The following CARMIL3 variants were observed in gnomAD, a reference collection of about 807,000 sequenced individuals.
CARMIL3 encodes the protein capping protein regulator and myosin 1 linker 3.
CARMIL3 carries 88 observed loss-of-function variants against 180.8 expected under a neutral mutation model. That is an observed-to-expected ratio of 0.49 (90% confidence interval 0.41 to 0.58). The LOEUF is 0.58. Among genes scored for constraint, CARMIL3 ranks in the 20% least tolerant of loss-of-function variants. The pLI is 0.00. For missense variants in CARMIL3, 1,548 were observed against 1,787.0 expected (o/e 0.87, Z 2.41); for synonymous variants, 696 against 714.5 (o/e 0.97, Z 0.41).
chr14:24,054,774 T>G lies in CARMIL3; in HGVS notation c.426T>G (p.Ser142=), dbSNP rs1297438589. Residue 142 remains serine (S), a synonymous_variant, in exon 6 of 40, where the codon TCT becomes TCG. Coordinates refer to ENST00000342740, the MANE Select transcript of CARMIL3 (RefSeq NM_138360.4). The surrounding 1 kb of genome is among the most constrained non-coding windows in gnomAD (Gnocchi z 5.1). ...PEGPRDTSPN[S]ETSTSTTHSV... is the part of the protein sequence containing the mutation. ...GGCCCCGAGATACATCCCCCAACTC[T>G]GAGACTTCCACATCTACCACCCACA... 6.2e-7 allele frequency: 1 copy of G among 1,614,070 alleles called. No individual in the cohort carries two copies. The highest frequency in any genetic ancestry group is 1.1e-5 in the South Asian group (1 of 91,078).
In CARMIL3 at chr14:24,058,315, T is replaced by G; in HGVS notation, c.1392+91T>G. The G allele has an allele frequency of 1.4e-6, 2 of 1,422,920 alleles. No individual in the cohort carries two copies. The highest frequency in any genetic ancestry group is 1.4e-5 in the African/African-American group (1 of 70,902). The allele number at this position is 1,422,920 out of a possible 1,614,324, so 88.1% of individuals were successfully genotyped here. A position where few individuals can be genotyped will look rare whatever the true frequency, so the allele number is the denominator to read the frequency against. ...AAACCCTGGCTCCATCTAGCCTCTG[T>G]GCTGACCCTCTGCGACCCCCTGACC... On this transcript the variant is annotated intron_variant, in intron 17 of 39. Coordinates refer to ENST00000342740, the MANE Select transcript of CARMIL3 (RefSeq NM_138360.4). The surrounding 1 kb of genome is among the most constrained non-coding windows in gnomAD (Gnocchi z 6.4).
In CARMIL3 at chr14:24,066,472, C is replaced by G. The variant is rs1317778775; in HGVS notation, c.3592+8C>G. On this transcript the variant is annotated splice_region_variant and intron_variant, in intron 35 of 39. Coordinates refer to ENST00000342740, the MANE Select transcript of CARMIL3 (RefSeq NM_138360.4). The stretch of plus-strand genomic sequence containing the variant: ...GCTCTTCAGACGACGCAGGTAAGAA[C>G]AGTCACATTCAAAGCCCTTTTGGAC... 6.2e-7 allele frequency: 1 copy of G among 1,614,178 alleles called. No individual in the cohort carries two copies. Among genetic ancestry groups the G allele is most frequent in the Non-Finnish European group, 8.5e-7 (1 of 1,180,010 alleles).
chr14:24,068,740 T>C, intron 37 of CARMIL3, 38 bp downstream of exon 37: 1 of 1,613,680 alleles, frequency 6.2e-7, no homozygotes, highest in Non-Finnish European at 8.5e-7. Flanking sequence ...GGCACTTTGA[T>C]GAGGCAAAGG....
rs1486093763 is a variant in CARMIL3, at chr14:24,057,950, C to A, written c.1218-10C>A. On this transcript the variant is annotated splice_polypyrimidine_tract_variant and intron_variant, in intron 15 of 39. Transcript: ENST00000342740. ...CCCCTCCCTCGCTGACCCCAGGGGT[C>A]TCTCCACAGGAAGGGTCGAGAGGCC... 2 of 1,613,330 alleles carry A rather than the reference C, an allele frequency of 1.2e-6. No individual in the cohort carries two copies. Among genetic ancestry groups the A allele is most frequent in the African/African-American group, 2.7e-5 (2 of 74,896 alleles).
intron 1 of CARMIL3, 77 bp downstream of exon 1, chr14:24,052,270 T>A: frequency 7.0e-7 from 1 of 1,437,592 alleles, no homozygotes; most frequent in Non-Finnish European, 9.3e-7. Flanking sequence ...CCGTGGTGCA[T>A]CCCAGCCCGG....
Position 24,052,105 on chromosome 14 carries a change from C to T in CARMIL3, c.-49C>T, listed in dbSNP as rs1397878442. On this transcript the variant is annotated 5_prime_UTR_variant, in exon 1 of 40. Transcript: ENST00000342740. ...GGGTCTAGCATGTGCCGCGGCTCCC[C>T]GGCGGCGGCGGCGGCTCCTCTGCAG... 1.4e-6 allele frequency: 2 copies of T among 1,454,584 alleles called. No individual in the cohort carries two copies. The highest frequency in any genetic ancestry group is 1.5e-5 in the African/African-American group (1 of 68,816). 90.1% of individuals were successfully genotyped at this position (1,454,584 alleles called of 1,614,324 possible). A position where few individuals can be genotyped will look rare whatever the true frequency, so the allele number is the denominator to read the frequency against.
Position 24,061,593 on chromosome 14 carries a change from G to A in CARMIL3, c.2401G>A (p.Glu801Lys). The A allele has an allele frequency of 6.2e-7, 1 of 1,613,994 alleles. No individual in the cohort carries two copies. The highest frequency in any genetic ancestry group is 8.5e-7 in the Non-Finnish European group (1 of 1,179,980). ...CAACAAGATGCTGAGCAATGTGGCG[G>A]AGCGTGTCACTGTGCCCCGGAACTT... Reference protein sequence around the residue: ...GHNKMLSNVAERVTVPRNFIR... With the variant: ...GHNKMLSNVAKRVTVPRNFIR... Residue 801 changes from glutamate to lysine, a missense_variant, in exon 27 of 40, where the codon GAG becomes AAG. By Grantham distance (56) the Glu-to-Lys change is moderately conservative. This residue lies in a region of CARMIL3 where 297 missense variants were observed against 415.9 expected (regional missense o/e 0.71). Coordinates refer to ENST00000342740, the MANE Select transcript of CARMIL3 (RefSeq NM_138360.4). This position sits in a 1 kb window ranked among gnomAD's most constrained non-coding sequence, Gnocchi z 4.1.
At chr14:24,066,175 G>C (rs565237273) in intron 34 of CARMIL3, among the ~76,000 whole-genome samples, 1 of 151,996 alleles carries the variant, frequency 6.6e-6, no homozygotes, top group East Asian at 1.9e-4. Flanking sequence ...TCTACTACAT[G>C]TAAAATACAT....
At chr14:24,052,298 C>A in intron 1 of CARMIL3, 105 bp downstream of exon 1, 1 of 1,150,694 alleles carries the variant, frequency 8.7e-7, no homozygotes, top group Non-Finnish European at 1.2e-6. Flanking sequence ...CACCCCTCAC[C>A]CCATGCATCC....
rs1193519749 is a variant in CARMIL3, at chr14:24,054,669, C to T, written c.363-42C>T. ...GCTATAACGTGGGAAGAACTGAGAG[C>T]CTCTTTCCAGCCCTCTCTGGAATGA... On this transcript the variant is annotated intron_variant, in intron 5 of 39. Transcript: ENST00000342740. The surrounding 1 kb of genome is among the most constrained non-coding windows in gnomAD (Gnocchi z 5.1). 2 of 1,580,536 alleles carry T rather than the reference C, an allele frequency of 1.3e-6. No homozygotes were observed. The highest frequency in any genetic ancestry group is 1.7e-6 in the Non-Finnish European group (2 of 1,152,208).
Position 24,052,166 on chromosome 14 carries a change from A to T in CARMIL3, c.13A>T (p.Ser5Cys). Residue 5 changes from serine (S) to cysteine (C), a missense_variant, in exon 1 of 40, where the codon AGC (serine) becomes TGC (cysteine). By Grantham distance (112) the Ser-to-Cys change is moderately radical. Around this residue, in one of 4 missense-constraint regions of CARMIL3, gnomAD observed 578 missense variants for 666.5 expected, o/e 0.87. Coordinates refer to ENST00000342740, the MANE Select transcript of CARMIL3 (RefSeq NM_138360.4). Reference sequence around the variant, plus strand: ...AGCAGCGGCCGCCATGGCCAAGCCCAGCGTGGAGCTCACCCGCGAGTTGCA... The same window carrying T: ...AGCAGCGGCCGCCATGGCCAAGCCCTGCGTGGAGCTCACCCGCGAGTTGCA... Reference protein sequence around the residue: MAKPSVELTRELQDS... With the variant: MAKPCVELTRELQDS... The T allele has an allele frequency of 6.3e-7, 1 of 1,590,924 alleles. No individual in the cohort carries two copies. The highest frequency in any genetic ancestry group is 8.5e-7 in the Non-Finnish European group (1 of 1,173,286).
In CARMIL3 at chr14:24,063,411, A is replaced by G. The variant is rs946163963; in HGVS notation, c.2857A>G (p.Thr953Ala). Reference protein sequence around the residue: ...WFSGLGGSQPTASGSWEGLSE... With the variant: ...WFSGLGGSQPAASGSWEGLSE... The stretch of plus-strand genomic sequence containing the variant: ...CTCAGGACTTGGGGGCAGCCAGCCC[A>G]CAGCTAGTGGCTCCTGGGAAGGTCT... Residue 953 changes from threonine (T) to alanine (A), a missense_variant, in exon 31 of 40, where the codon ACA (threonine) becomes GCA (alanine). By Grantham distance (58) the Thr-to-Ala change is moderately conservative. Around this residue, in one of 4 missense-constraint regions of CARMIL3, gnomAD observed 668 missense variants for 687.8 expected, o/e 0.97. Coordinates refer to ENST00000342740, the MANE Select transcript of CARMIL3 (RefSeq NM_138360.4). The G allele has an allele frequency of 1.9e-6, 3 of 1,613,852 alleles. No homozygotes were observed. Among genetic ancestry groups the G allele is most frequent in the Admixed American group, 1.7e-5 (1 of 60,002 alleles).
At position 24,055,639 on chromosome 14, in the gene CARMIL3, G is replaced by T. The variant is rs753739974; in HGVS notation, c.681+21G>T. The T allele has an allele frequency of 3.1e-6, 5 of 1,614,146 alleles. No individual in the cohort carries two copies. The Middle Eastern group carries it at 4.9e-4, about 160-fold the overall frequency. On this transcript the variant is annotated intron_variant, in intron 9 of 39. Transcript: ENST00000342740. ...GGCTGGTAGGAACTGGGAGGGGCTG[G>T]TGAGGTGGGAGAAGTAGTGCCCCCC...
At position 24,058,892 on chromosome 14, in the gene CARMIL3, T is replaced by C; in HGVS notation, c.1477T>C (p.Phe493Leu). The C allele has an allele frequency of 6.2e-7, 1 of 1,614,146 alleles. No homozygotes were observed. The change falls in exon 19 of 40, where the codon TTC becomes CTC. Residue 493 changes from phenylalanine (F) to leucine (L), a missense_variant and splice_region_variant. Physicochemically the swap from Phe to Leu is conservative, Grantham distance 22 (BLOSUM62 0). Coordinates refer to ENST00000342740, the MANE Select transcript of CARMIL3 (RefSeq NM_138360.4). This position sits in a 1 kb window ranked among gnomAD's most constrained non-coding sequence, Gnocchi z 6.4. The part of the protein sequence containing the change: ...VGSLDLSDNG[F>L]DSDLLTLVPA... ...GGCCTCTCCCATCTGCTCACCAGGG[T>C]TCGACTCGGACCTCCTGACACTGGT...
At chr14:24,060,106 G>T in intron 23 of CARMIL3, 43 bp downstream of exon 23, 7 of 1,613,376 alleles carry the variant, frequency 4.3e-6, no homozygotes, top group Non-Finnish European at 5.1e-6. Flanking sequence ...GCAAGGGGCA[G>T]GGGGCAGCCC....
intron 36 of CARMIL3, among the ~76,000 whole-genome samples, 187 bp from the exon 37 acceptor site, chr14:24,068,397 C>CA (rs796263850): frequency 3.2e-3 from 210 of 66,258 alleles, no homozygotes; most frequent in Middle Eastern, 0.01. Context: ...ACTCCATCTC[C>CA]AAAAAAAAAA....
intron 32 of CARMIL3, 131 bp downstream of exon 32, chr14:24,064,477 C>T (rs2035765276): frequency 1.4e-6 from 1 of 707,678 alleles, no homozygotes; most frequent in Non-Finnish European, 2.5e-6. Context: ...GAAATTTCCC[C>T]ACATTCTCAT....
intron 37 of CARMIL3, 34 bp downstream of exon 37, chr14:24,068,736 T>C: frequency 6.2e-7 from 1 of 1,613,618 alleles, no homozygotes; most frequent in Non-Finnish European, 8.5e-7. Flanking sequence ...GGGAGGCACT[T>C]TGATGAGGCA....
At chr14:24,068,535 C>A (rs2035816107) in intron 36 of CARMIL3, 49 bp from the exon 37 acceptor site, 3 of 1,503,484 alleles carry the variant, frequency 2.0e-6, no homozygotes, top group Non-Finnish European at 1.8e-6. Flanking sequence ...GGGACAGGAG[C>A]TATGCAAGAA....
Sources: gnomAD v4.1 joint callset for allele counts (sites outside exome capture counted in the v4.1 genomes callset) on GRCh38, gnomAD v4.1.1 for gene constraint, gnomAD v4.1.1 regional missense constraint, Gnocchi (gnomAD v3.1) non-coding constraint, MANE v1.5 for transcripts, NCBI Gene and HGNC (gene_info 2026-07-23, HGNC 2026-07-21) for gene names.